RAI14: variants seen among roughly 807,000 people sequenced by gnomAD.
RAI14 encodes the protein ankycorbin.
RAI14 carries 45 observed loss-of-function variants against 115.4 expected under a neutral mutation model. The observed-to-expected ratio is 0.39, with a 90% confidence interval of 0.31 to 0.50. RAI14 has a LOEUF of 0.50. Ranked by LOEUF, RAI14 falls within the 20% of genes least tolerant of loss-of-function variation. The pLI, the probability that RAI14 is intolerant of heterozygous loss-of-function variation, is 0.85. For missense variants in RAI14, 939 were observed against 1,131.2 expected (o/e 0.83, Z 2.44); for synonymous variants, 371 against 415.4 (o/e 0.89, Z 1.30).
intron 2 of RAI14, among the ~76,000 whole-genome samples, chr5:34,736,998 C>A (rs2150037060): frequency 6.6e-6 from 1 of 152,206 alleles, no homozygotes; most frequent in Admixed American, 6.5e-5. Flanking sequence ...GGATGAGTGG[C>A]AACATTAAAC....
At chr5:34,659,076 A>G (rs1398978992) in intron 1 of RAI14, 2 of 152,116 alleles carry the variant, frequency 1.3e-5, no homozygotes, top group African/African-American at 4.8e-5. Flanking sequence ...AATACATGTG[A>G]GTTTGTGTTT....
chr5:34,821,633 GGAA>G (rs1289501328), intron 13 of RAI14, 96 bp from the exon 14 acceptor site: 3 of 730,010 alleles, frequency 4.1e-6, no homozygotes, highest in East Asian at 2.6e-5. Flanking sequence ...ATTAGGGCCA[GGAA>G]GAAGAACTGG....
chr5:34,698,536 G>A (rs541678844), intron 2 of RAI14, among the ~76,000 whole-genome samples: 15 of 152,014 alleles, frequency 9.9e-5, no homozygotes, highest in Non-Finnish European at 1.6e-4. Flanking sequence ...ATTCAACATC[G>A]CAGGAGTTTA....
chr5:34,822,284 C>CCATT (rs1372542290), intron 14 of RAI14, among the ~76,000 whole-genome samples: 4 of 102,614 alleles, frequency 3.9e-5, no homozygotes, highest in East Asian at 2.5e-4. Flanking sequence ...AAAATATTAT[C>CCATT]CATTTAGTAA....
rs368823287 is a variant in RAI14, at chr5:34,763,438, C to CATATAG, written c.167+5842_167+5843insATAGAT. Among the ~76,000 whole-genome samples, 389 of 152,304 alleles carry CATATAG rather than the reference C, an allele frequency of 2.6e-3. 1 individual carries two copies. The highest frequency in any genetic ancestry group is 8.9e-3 in the African/African-American group (371 of 41,560). On this transcript the variant is annotated intron_variant, in intron 3 of 17. Coordinates refer to ENST00000265109, the MANE Select transcript of RAI14 (RefSeq NM_015577.3). ...TTGCTATATCCACTCTGCTTTGAGT[C>CATATAG]ATTTTTGAAGTTGAGATAACCTCTT...
intron 3 of RAI14, among the ~76,000 whole-genome samples, chr5:34,789,970 G>C (rs1307436289): frequency 6.6e-6 from 1 of 152,076 alleles, no homozygotes; most frequent in East Asian, 1.9e-4. Flanking sequence ...AGATGTTTTT[G>C]TCCCTCTTCT....
intron 2 of RAI14, among the ~76,000 whole-genome samples, chr5:34,697,766 T>C (rs1047034103): frequency 1.3e-5 from 2 of 152,162 alleles, no homozygotes; most frequent in Non-Finnish European, 2.9e-5. Flanking sequence ...AATATGTAAT[T>C]TATAAAATTG....
chr5:34,744,157 G>C (rs1360053318), intron 2 of RAI14, among the ~76,000 whole-genome samples: 1 of 152,196 alleles, frequency 6.6e-6, no homozygotes, highest in Non-Finnish European at 1.5e-5. Flanking sequence ...ATAATAGCCA[G>C]ACCTGTCTCC....
intron 3 of RAI14, among the ~76,000 whole-genome samples, chr5:34,784,415 TGATTATTGA>T (rs1752039122): frequency 6.6e-6 from 1 of 152,186 alleles, no homozygotes; most frequent in Admixed American, 6.5e-5. Flanking sequence ...TTTAGGAAAA[TGATTATTGA>T]GAATACCCAC....
At chr5:34,808,737 T>G (rs188037131) in intron 7 of RAI14, 83 bp downstream of exon 7, 18 of 1,306,028 alleles carry the variant, frequency 1.4e-5, no homozygotes, top group Non-Finnish European at 1.9e-5. Context: ...CACTGAGACT[T>G]TAGACTAGCA....
intron 2 of RAI14, among the ~76,000 whole-genome samples, chr5:34,705,827 A>C (rs1320861049): frequency 6.6e-6 from 1 of 152,126 alleles, no homozygotes; most frequent in African/African-American, 2.4e-5. Context: ...TTGTATTTTT[A>C]GTAGAGATGG....
rs376091071 is a variant in RAI14 at position 34,695,803 on chromosome 5, C to CTTT, written c.36+8864_36+8866dup. ...GTGAAAGTAAAGCAGAAGCACTTTC[C>CTTT]TTTTTTTTTTTTTTTTTTCTGTGAC... is the stretch of plus-strand genomic sequence containing the variant. On this transcript the variant is annotated intron_variant, in intron 2 of 17. Transcript: ENST00000265109. Among the ~76,000 whole-genome samples, 17 of 128,960 alleles carry CTTT rather than the reference C, an allele frequency of 1.3e-4. 2 individuals are homozygous for CTTT. The highest frequency in any genetic ancestry group is 4.1e-4 in the Admixed American group (5 of 12,300). The allele number at this position is 128,960 out of a possible 152,430, so 84.6% of individuals were successfully genotyped here.
intron 2 of RAI14, among the ~76,000 whole-genome samples, chr5:34,692,910 G>A (rs908879639): frequency 4.6e-5 from 7 of 152,130 alleles, no homozygotes; most frequent in Non-Finnish European, 8.8e-5. Context: ...GTACTGGCAC[G>A]GTTGGTTCCT....
intron 2 of RAI14, among the ~76,000 whole-genome samples, chr5:34,712,259 G>C (rs1166067418): frequency 6.6e-6 from 1 of 152,128 alleles, no homozygotes; most frequent in Admixed American, 6.5e-5. Flanking sequence ...CCTAAATTCT[G>C]TCTTCAAGGT....
At chr5:34,760,451 A>G (rs1279603736) in intron 3 of RAI14, among the ~76,000 whole-genome samples, 1 of 152,098 alleles carries the variant, frequency 6.6e-6, no homozygotes, top group Non-Finnish European at 1.5e-5. Flanking sequence ...TTGGTGGTAA[A>G]TGTTGGGGCT....
intron 2 of RAI14, among the ~76,000 whole-genome samples, chr5:34,724,109 T>C (rs1743155351): frequency 6.6e-6 from 1 of 152,200 alleles, no homozygotes; most frequent in Non-Finnish European, 1.5e-5. Context: ...CTCTGCCTCC[T>C]GGATTCAAGA....
At chr5:34,795,836 A>G (rs1753447299) in intron 3 of RAI14, 103 bp from the exon 4 acceptor site, 2 of 823,094 alleles carry the variant, frequency 2.4e-6, no homozygotes, top group Non-Finnish European at 3.9e-6. Context: ...CTCAAGGAAG[A>G]GAAAGTGTAC....
At chr5:34,795,693 G>A (rs1753430021) in intron 3 of RAI14, among the ~76,000 whole-genome samples, 1 of 152,060 alleles carries the variant, frequency 6.6e-6, no homozygotes, top group South Asian at 2.1e-4. Context: ...CTTTGGGGTT[G>A]GAAGATCAAA....
At chr5:34,751,510 T>C (rs1268702783) in intron 2 of RAI14, among the ~76,000 whole-genome samples, 1 of 152,212 alleles carries the variant, frequency 6.6e-6, no homozygotes, top group East Asian at 1.9e-4. Flanking sequence ...TCTATCTTTA[T>C]GTGCATGCAG....
Sources: gnomAD v4.1 joint callset for allele counts (sites outside exome capture counted in the v4.1 genomes callset) on GRCh38, gnomAD v4.1.1 for gene constraint, MANE v1.5 for transcripts, NCBI Gene and HGNC (gene_info 2026-07-23, HGNC 2026-07-21) for gene names.